The following TUBAL3 variants were observed in gnomAD, a reference collection of about 807,000 sequenced individuals.
The protein encoded by TUBAL3 is tubulin alpha chain-like 3.
Under a neutral mutation model 15.5 loss-of-function variants are expected in TUBAL3, and 16 were observed. The observed-to-expected ratio is 1.04, with a 90% CI of 0.70 to 1.57. The LOEUF (loss-of-function observed/expected upper bound fraction) is 1.57, where lower values mean the gene tolerates loss of function less well. Ranked by LOEUF, TUBAL3 falls within the 40% of genes most tolerant of loss-of-function variation. TUBAL3 has a pLI of 0.00. For missense variants in TUBAL3, 609 were observed against 576.2 expected (o/e 1.06, Z -0.58); for synonymous variants, 238 against 224.3 (o/e 1.06, Z -0.55).
rs1554814250 is a variant in TUBAL3 at position 5,397,334 on chromosome 10, C to T, written c.248-1859G>A. ...TTTTAACTAGCTTACACACAAACCT[C>T]CCCCAGAGCTAGGATGTTTAAAAGA... On this transcript the variant is annotated intron_variant, in intron 2 of 3. Coordinates refer to ENST00000380419, the MANE Select transcript of TUBAL3 (RefSeq NM_024803.3). The surrounding 1 kb of genome is among the most constrained non-coding windows in gnomAD (Gnocchi z 4.9). 3.3e-5 allele frequency among the ~76,000 whole-genome samples: 5 copies of T among 152,156 alleles called. No individual in the cohort carries two copies. Among genetic ancestry groups the T allele is most frequent in the Non-Finnish European group, 1.5e-5 (1 of 68,038 alleles).
intron 1 of TUBAL3, among the ~76,000 whole-genome samples, chr10:5,402,614 G>A (rs1230373854): frequency 1.3e-5 from 2 of 152,358 alleles, no homozygotes; most frequent in African/African-American, 4.8e-5. Context: ...CCACAGACCA[G>A]TACCAGTCTG....
At chr10:5,402,108 A>G (rs1831862849) in intron 1 of TUBAL3, among the ~76,000 whole-genome samples, 2 of 152,224 alleles carry the variant, frequency 1.3e-5, no homozygotes, top group South Asian at 4.1e-4. Context: ...TAAAAATCTA[A>G]AAGAAAATGC....
At position 5,394,926 on chromosome 10, in the gene TUBAL3, T is replaced by A. The variant is rs1366262066; in HGVS notation, c.396+401A>T. The stretch of plus-strand genomic sequence containing the variant: ...CAGGCCCCTAAAGAGGAATTAATTA[T>A]CAGTAAATAGAGTCACGCATCTCCA... On this transcript the variant is annotated intron_variant, in intron 3 of 3. Coordinates refer to ENST00000380419, the MANE Select transcript of TUBAL3 (RefSeq NM_024803.3). This position sits in a 1 kb window ranked among gnomAD's most constrained non-coding sequence, Gnocchi z 4.3. Among the ~76,000 whole-genome samples the A allele has an allele frequency of 2.0e-5, 3 of 152,172 alleles. No homozygotes were observed. The highest frequency in any genetic ancestry group is 4.4e-5 in the Non-Finnish European group (3 of 68,022).
intron 2 of TUBAL3, among the ~76,000 whole-genome samples, chr10:5,398,388 C>A (rs149391530): frequency 2.8e-5 from 4 of 144,772 alleles, no homozygotes; most frequent in Non-Finnish European, 6.0e-5. Context: ...CCATTGAACT[C>A]CAGCCTGGGC....
chr10:5,393,838 T>A lies in TUBAL3; in HGVS notation c.1020A>T (p.Ala340=), dbSNP rs782540943. The change falls in exon 4 of 4, where the codon GCA becomes GCT. Residue 340 remains alanine (A), a synonymous_variant. Transcript: ENST00000380419. ...GAACAGAGTGCCTCGACTTCGTGGCTGCGATTGCTGCATTCACTTCCTTGG... is the reference window on the plus strand; with the variant it reads ...GAACAGAGTGCCTCGACTTCGTGGCAGCGATTGCTGCATTCACTTCCTTGG... ...VVPKEVNAAI[A]ATKSRHSVQF... 1 of 1,614,200 alleles carries A rather than the reference T, an allele frequency of 6.2e-7. No homozygotes were observed. The highest frequency in any genetic ancestry group is 2.2e-5 in the East Asian group (1 of 44,880).
chr10:5,401,197 C>T (rs1013632684), intron 1 of TUBAL3, 110 bp from the exon 2 acceptor site: 38 of 1,334,854 alleles, frequency 2.8e-5, no homozygotes, highest in African/African-American at 1.7e-4. Flanking sequence ...CTTAAGGCCA[C>T]GGAGGAATGT....
In TUBAL3 at chr10:5,400,850, C is replaced by T; in HGVS notation, c.241G>A (p.Val81Ile). Residue 81 changes from valine to isoleucine, a missense_variant, in exon 2 of 4, where the codon GTT becomes ATT. Physicochemically the swap from Val to Ile is conservative, Grantham distance 29 (BLOSUM62 3). Coordinates refer to ENST00000380419, the MANE Select transcript of TUBAL3 (RefSeq NM_024803.3). ...RALFVDLEPTVIDGIRTGQHR... is the reference protein window; with the variant it reads ...RALFVDLEPTIIDGIRTGQHR... ...AATGGAACATTTATTGTACCTATAA[C>T]AGTTGGCTCCAAGTCCACGAAGAGT... 6.2e-7 allele frequency: 1 copy of T among 1,614,210 alleles called. No individual in the cohort carries two copies. The highest frequency in any genetic ancestry group is 2.2e-5 in the East Asian group (1 of 44,890).
Position 5,393,332 on chromosome 10 carries a change from T to C in TUBAL3, c.*185A>G, listed in dbSNP as rs782071866. On this transcript the variant is annotated 3_prime_UTR_variant, in exon 4 of 4. Transcript: ENST00000380419. ...AGGTAGCAGAGCTGACTTGTACCAG[T>C]AGACCAGGAAATAATGTGTTCATTG... 34 of 564,638 alleles carry C rather than the reference T, an allele frequency of 6.0e-5. No individual in the cohort carries two copies. Among genetic ancestry groups the C allele is most frequent in the Non-Finnish European group, 9.2e-5 (30 of 327,482 alleles). The allele number at this position is 564,638 out of a possible 1,614,324, so 35.0% of individuals were successfully genotyped here.
chr10:5,393,604 T>TTC lies in TUBAL3; in HGVS notation c.1252_1253dup (p.Gly419LysfsTer54). 6.2e-7 allele frequency: 1 copy of TTC among 1,614,200 alleles called. No individual in the cohort carries two copies. On this transcript the variant is annotated frameshift_variant, in exon 4 of 4. Coordinates refer to ENST00000380419, the MANE Select transcript of TUBAL3 (RefSeq NM_024803.3). LOFTEE classifies it low-confidence loss of function (END_TRUNC). ...CCAAGAACTCTGCTTCTTCCATGCCTTCTCTGAGGTACCAGTGCAGAAATG... is the reference window on the plus strand; with the variant it reads ...CCAAGAACTCTGCTTCTTCCATGCCTTCTCTCTGAGGTACCAGTGCAGAAATG...
At chr10:5,401,977 T>A (rs973118959) in intron 1 of TUBAL3, among the ~76,000 whole-genome samples, 2 of 152,016 alleles carry the variant, frequency 1.3e-5, no homozygotes, top group Non-Finnish European at 2.9e-5. Context: ...CCCTTAAACG[T>A]TTTCCCAAAA....
In TUBAL3 at chr10:5,394,218, C is replaced by CA; in HGVS notation, c.639_640insT (p.Glu214Ter). On this transcript the variant is annotated frameshift_variant, in exon 4 of 4. Coordinates refer to ENST00000380419, the MANE Select transcript of TUBAL3 (RefSeq NM_024803.3). LOFTEE classifies it low-confidence loss of function (END_TRUNC). The surrounding 1 kb of genome is among the most constrained non-coding windows in gnomAD (Gnocchi z 4.3). ...CGATGGCATATATCATAGACGGCCT[C>CA]GTTGTCCACCATGAAGGTACAGTCC... 6.2e-7 allele frequency: 1 copy of CA among 1,614,114 alleles called. No individual in the cohort carries two copies. The highest frequency in any genetic ancestry group is 2.2e-5 in the East Asian group (1 of 44,874).
intron 1 of TUBAL3, among the ~76,000 whole-genome samples, chr10:5,402,760 G>A (rs1258957737): frequency 2.6e-5 from 4 of 152,358 alleles, no homozygotes; most frequent in East Asian, 1.9e-4. Context: ...TGTGAACTGC[G>A]CATGCAAGGG....
At chr10:5,403,543 T>TA (rs71388426) in intron 1 of TUBAL3, among the ~76,000 whole-genome samples, 102,707 of 148,052 alleles carry the variant, frequency 0.69, 35,548 homozygotes, top group African/African-American at 0.78. Context: ...TCACTAACAT[T>TA]AAAAAAAAAA....
In TUBAL3 at chr10:5,395,513, G is replaced by A. The variant is rs782728339; in HGVS notation, c.248-38C>T. The stretch of plus-strand genomic sequence containing the variant: ...AAAGGAGGTCAGTGCAACTCACCCA[G>A]TGCAATTCAGCCGTCCACCTGCTGC... On this transcript the variant is annotated intron_variant, in intron 2 of 3. Coordinates refer to ENST00000380419, the MANE Select transcript of TUBAL3 (RefSeq NM_024803.3). This position sits in a 1 kb window ranked among gnomAD's most constrained non-coding sequence, Gnocchi z 4.6. The A allele has an allele frequency of 7.2e-7, 1 of 1,395,576 alleles. No homozygotes were observed. The highest frequency in any genetic ancestry group is 9.4e-7 in the Non-Finnish European group (1 of 1,059,302). The allele number at this position is 1,395,576 out of a possible 1,614,324, so 86.4% of individuals were successfully genotyped here. A position where few individuals can be genotyped will look rare whatever the true frequency, so the allele number is the denominator to read the frequency against.
rs782729778 is a variant in TUBAL3, at chr10:5,401,026, T to C, written c.65A>G (p.Glu22Gly). The change falls in exon 2 of 4, where the codon GAA becomes GGA. Residue 22 changes from glutamate (E) to glycine (G), a missense_variant. Glu to Gly is a moderately conservative substitution (Grantham distance 98). Transcript: ENST00000380419. ...GATTCCATGTTCCAGGCAATAGAGT[T>C]CCCAGCAGGCGTCCCCAATCTGGAT... ...AGIQIGDACW[E>G]LYCLEHGIQP... The C allele has an allele frequency of 3.7e-6, 6 of 1,614,124 alleles. No individual in the cohort carries two copies. Among genetic ancestry groups the C allele is most frequent in the Non-Finnish European group, 5.1e-6 (6 of 1,180,028 alleles).
Position 5,401,047 on chromosome 10 carries a change from T to C in TUBAL3, c.44A>G (p.Gln15Arg). 6.2e-7 allele frequency: 1 copy of C among 1,614,214 alleles called. No individual in the cohort carries two copies. Among genetic ancestry groups the C allele is most frequent in the African/African-American group, 1.3e-5 (1 of 75,054 alleles). Residue 15 changes from glutamine to arginine, a missense_variant, in exon 2 of 4, where the codon CAG becomes CGG. Coordinates refer to ENST00000380419, the MANE Select transcript of TUBAL3 (RefSeq NM_024803.3). ...LSIHIGQAGI[Q>R]IGDACWELYC... ...GAGTTCCCAGCAGGCGTCCCCAATC[T>C]GGATGCCAGCTTGACCGATGTGGAT... is the stretch of plus-strand genomic sequence containing the variant.
In TUBAL3 at chr10:5,404,808, C is replaced by T. The variant is rs1831905401; in HGVS notation, c.-16G>A. 1 of 1,613,284 alleles carries T rather than the reference C, an allele frequency of 6.2e-7. No homozygotes were observed. Among genetic ancestry groups the T allele is most frequent in the Non-Finnish European group, 8.5e-7 (1 of 1,179,512 alleles). ...CACTTACCATGCTGATGAGAACGTG[C>T]CCTTCCTGCCCTGTAGTAATGACTG... On this transcript the variant is annotated 5_prime_UTR_variant, in exon 1 of 4. Transcript: ENST00000380419.
chr10:5,393,157 C>T lies in TUBAL3; in HGVS notation c.*360G>A. The T allele has an allele frequency of 5.3e-6, 1 of 188,974 alleles. No homozygotes were observed. The highest frequency in any genetic ancestry group is 1.1e-5 in the Non-Finnish European group (1 of 93,290). 11.7% of individuals were successfully genotyped at this position (188,974 alleles called of 1,614,324 possible). A position where few individuals can be genotyped will look rare whatever the true frequency, so the allele number is the denominator to read the frequency against. ...AAAAATGTAGACATGGGGGAAAAAA[C>T]ATTCGTAATCAACATGTGCTGTTTT... On this transcript the variant is annotated 3_prime_UTR_variant, in exon 4 of 4. Coordinates refer to ENST00000380419, the MANE Select transcript of TUBAL3 (RefSeq NM_024803.3).
In TUBAL3 at chr10:5,393,161, C is replaced by T. The variant is rs144656534; in HGVS notation, c.*356G>A. ...ATGTAGACATGGGGGAAAAAACATT[C>T]GTAATCAACATGTGCTGTTTTCTAC... On this transcript the variant is annotated 3_prime_UTR_variant, in exon 4 of 4. Transcript: ENST00000380419. The T allele has an allele frequency of 3.1e-4, 61 of 193,904 alleles. No individual in the cohort carries two copies. The highest frequency in any genetic ancestry group is 2.0e-3 in the Middle Eastern group (1 of 502). The allele number at this position is 193,904 out of a possible 1,614,324, so 12.0% of individuals were successfully genotyped here. A position where few individuals can be genotyped will look rare whatever the true frequency, so the allele number is the denominator to read the frequency against.
Sources: allele counts gnomAD v4.1 joint callset (sites outside exome capture counted in the v4.1 genomes callset), GRCh38; gene constraint gnomAD v4.1.1; non-coding constraint Gnocchi (gnomAD v3.1); transcripts MANE v1.5; gene names NCBI Gene and HGNC (gene_info 2026-07-23, HGNC 2026-07-21).